Variants in PLCD3 observed in about 807,000 individuals in gnomAD.
The protein encoded by PLCD3 is 1-phosphatidylinositol 4,5-bisphosphate phosphodiesterase delta-3.
Under a neutral mutation model 82.8 loss-of-function variants are expected in PLCD3, and 62 were observed. The ratio of observed to expected loss-of-function variants is 0.75; its 90% confidence interval spans 0.61 to 0.93. The LOEUF (loss-of-function observed/expected upper bound fraction) is 0.93, where lower values mean the gene tolerates loss of function less well. PLCD3 is among the 40% of genes least tolerant of loss of function. The probability of loss-of-function intolerance (pLI) is 0.00; values close to 1 mark genes in which losing one functional copy is unlikely to be tolerated. For synonymous variants in PLCD3, 478 were observed against 471.8 expected (o/e 1.01, Z -0.17); for missense variants, 1,023 against 1,103.4 (o/e 0.93, Z 1.03).
In PLCD3 at chr17:45,132,329, C is replaced by T; in HGVS notation, c.82G>A (p.Ala28Thr). The change falls in exon 1 of 15, where the codon GCG becomes ACG. Residue 28 changes from alanine to threonine, a missense_variant. By Grantham distance (58) the Ala-to-Thr change is moderately conservative (BLOSUM62 0). Transcript: ENST00000619929. This position sits in a 1 kb window ranked among gnomAD's most constrained non-coding sequence, Gnocchi z 4.6. ...VAAQVAAQVA[A>T]PVALPSPPTP... ...GGCGGGGACGGGAGAGCGACCGGCG[C>T]CGCGACTTGGGCTGCGACCTGGGCG... is the stretch of plus-strand genomic sequence containing the variant. The T allele has an allele frequency of 3.2e-6, 4 of 1,238,508 alleles. No individual in the cohort carries two copies. Among genetic ancestry groups the T allele is most frequent in the South Asian group, 8.0e-5 (2 of 24,924 alleles). The allele number at this position is 1,238,508 out of a possible 1,614,324, so 76.7% of individuals were successfully genotyped here.
At chr17:45,125,941 G>A (rs1371426984) in intron 1 of PLCD3, among the ~76,000 whole-genome samples, 1 of 152,104 alleles carries the variant, frequency 6.6e-6, no homozygotes, top group Non-Finnish European at 1.5e-5. Context: ...TTTGGAAATA[G>A]GCAACAGTAA....
In PLCD3 at chr17:45,112,655, T is replaced by C. The variant is rs776765635; in HGVS notation, c.2331A>G (p.Pro777=). Residue 777 remains proline (P), a synonymous_variant, in exon 15 of 15, where the codon CCA becomes CCG. Transcript: ENST00000619929. ...LLSKDGASLS[P]ATLFIQIRIQ... ...TGCGGATTTGGATGAAGAGCGTGGCTGGTGACAGTGAGGCCCCGTCCTTGG... is the reference window on the plus strand; with the variant it reads ...TGCGGATTTGGATGAAGAGCGTGGCCGGTGACAGTGAGGCCCCGTCCTTGG... The C allele has an allele frequency of 4.4e-6, 7 of 1,607,300 alleles. No homozygotes were observed. Among genetic ancestry groups the C allele is most frequent in the East Asian group, 2.2e-5 (1 of 44,700 alleles).
chr17:45,123,967 A>T (rs55740745), intron 1 of PLCD3, among the ~76,000 whole-genome samples: 2 of 138,406 alleles, frequency 1.4e-5, no homozygotes, highest in Admixed American at 7.2e-5. Context: ...CCCCCCCCCC[A>T]ACCAGGTCCA....
chr17:45,114,209 G>T (rs769126127), intron 11 of PLCD3, 41 bp downstream of exon 11: 1 of 1,460,546 alleles, frequency 6.8e-7, no homozygotes, highest in African/African-American at 1.4e-5. Context: ...CCCCCACACT[G>T]TGGCACCCCG....
At chr17:45,121,585 A>G (rs6503423) in intron 1 of PLCD3, among the ~76,000 whole-genome samples, 151,581 of 152,314 alleles carry the variant, frequency 1, 75,424 homozygotes, top group Middle Eastern at 1. Context: ...GGAGCCCTAA[A>G]CGCCCCCCAA....
intron 1 of PLCD3, among the ~76,000 whole-genome samples, chr17:45,124,058 C>T (rs62066673): frequency 0.14 from 21,550 of 151,242 alleles, 1,806 homozygotes; most frequent in Middle Eastern, 0.2. Flanking sequence ...CACTTAGGCA[C>T]ATCCTCCTAC....
chr17:45,118,540 T>C lies in PLCD3; in HGVS notation c.914-48A>G. 1 of 1,598,398 alleles carries C rather than the reference T, an allele frequency of 6.3e-7. No homozygotes were observed. Among genetic ancestry groups the C allele is most frequent in the Non-Finnish European group, 8.6e-7 (1 of 1,168,560 alleles). ...CATCAGGCCACATAGGGATCCCCCATGTCCAGCTTCCAATGCCCCCAAGGC... is the reference window on the plus strand; with the variant it reads ...CATCAGGCCACATAGGGATCCCCCACGTCCAGCTTCCAATGCCCCCAAGGC... On this transcript the variant is annotated intron_variant, in intron 5 of 14. Transcript: ENST00000619929. This position sits in a 1 kb window ranked among gnomAD's most constrained non-coding sequence, Gnocchi z 4.1.
At chr17:45,114,196 C>T in intron 11 of PLCD3, 54 bp downstream of exon 11, 4 of 1,354,890 alleles carry the variant, frequency 3.0e-6, no homozygotes, top group Non-Finnish European at 4.0e-6. Context: ...ACTGCTGAGG[C>T]CTCCCCCACA....
At chr17:45,114,696 C>T (rs1483919655) in intron 10 of PLCD3, among the ~76,000 whole-genome samples, 1 of 152,204 alleles carries the variant, frequency 6.6e-6, no homozygotes, top group Non-Finnish European at 1.5e-5. Flanking sequence ...CCTTCAACAA[C>T]CTGTTCCTCC....
In PLCD3 at chr17:45,110,720, T is replaced by C. The variant is rs2054234995; in HGVS notation, c.*1896A>G. 1 of 152,248 alleles carries C rather than the reference T, an allele frequency of 6.6e-6. No homozygotes were observed. 9.4% of individuals were successfully genotyped at this position (152,248 alleles called of 1,614,324 possible). ...TGCCTCCCATCCTGAGGCTGCAGTT[T>C]GGCAGCCTGACCCTCTGACAGCCCT... On this transcript the variant is annotated 3_prime_UTR_variant, in exon 15 of 15. Coordinates refer to ENST00000619929, the MANE Select transcript of PLCD3 (RefSeq NM_133373.5).
chr17:45,116,984 G>A (rs900338850), intron 7 of PLCD3, among the ~76,000 whole-genome samples, 200 bp from the exon 8 acceptor site: 3 of 152,052 alleles, frequency 2.0e-5, no homozygotes, highest in South Asian at 2.1e-4. Context: ...TTGCTCTGTC[G>A]CCCATGCTGG....
At position 45,118,416 on chromosome 17, in the gene PLCD3, G is replaced by T; in HGVS notation, c.990C>A (p.Asn330Lys). Residue 330 changes from asparagine (N) to lysine (K), a missense_variant, in exon 6 of 15, where the codon AAC becomes AAA. Transcript: ENST00000619929. This position sits in a 1 kb window ranked among gnomAD's most constrained non-coding sequence, Gnocchi z 4.1. ...LLSPEGAALD[N>K]THTCVFQDMN... ...TGTCCTGGAACACACACGTGTGGGT[G>T]TTGTCCAAGGCAGCCCCCTCCGGCG... The T allele has an allele frequency of 6.2e-7, 1 of 1,614,056 alleles. No homozygotes were observed. Among genetic ancestry groups the T allele is most frequent in the Non-Finnish European group, 8.5e-7 (1 of 1,179,894 alleles).
intron 7 of PLCD3, 37 bp downstream of exon 7, chr17:45,117,957 G>T: frequency 6.2e-7 from 1 of 1,609,216 alleles, no homozygotes; most frequent in Non-Finnish European, 8.5e-7. Context: ...TCATTGGGAA[G>T]GCTGTGGGGC....
intron 14 of PLCD3, 30 bp downstream of exon 14, chr17:45,112,833 C>T (rs1302965598): frequency 6.2e-7 from 1 of 1,610,140 alleles, no homozygotes; most frequent in Non-Finnish European, 8.5e-7. Context: ...GGACCCACAT[C>T]CCTCTCCATC....
intron 1 of PLCD3, among the ~76,000 whole-genome samples, chr17:45,123,456 C>G (rs2054356783): frequency 6.6e-6 from 1 of 152,216 alleles, no homozygotes; most frequent in Admixed American, 6.5e-5. Context: ...AGGATACCAG[C>G]TAGTGTTGAC....
chr17:45,121,082 C>T lies in PLCD3; in HGVS notation c.374G>A (p.Gly125Asp). 1 of 1,539,796 alleles carries T rather than the reference C, an allele frequency of 6.5e-7. No homozygotes were observed. The highest frequency in any genetic ancestry group is 2.4e-5 in the East Asian group (1 of 40,878). Reference protein sequence around the residue: ...EAVREGHQSEGLRRFGGAFAP... With the variant: ...EAVREGHQSEDLRRFGGAFAP... ...GAAGGCACCCCCGAAGCGCCGCAGG[C>T]CCTCGGACTGGTGGCCCTCGCGGAC... The change falls in exon 3 of 15, where the codon GGC becomes GAC. Residue 125 changes from glycine to aspartate, a missense_variant. By Grantham distance (94) the Gly-to-Asp change is moderately conservative. This residue lies in a region of PLCD3 where 448 missense variants were observed against 406.3 expected (regional missense o/e 1.10). Transcript: ENST00000619929.
chr17:45,122,874 GGA>G (rs1331254971), intron 1 of PLCD3, among the ~76,000 whole-genome samples: 1 of 152,184 alleles, frequency 6.6e-6, no homozygotes, highest in African/African-American at 2.4e-5. Context: ...CTGGGTAAAC[GGA>G]GAGTCCATGG....
In PLCD3 at chr17:45,113,185, T is replaced by C. The variant is rs1410239958; in HGVS notation, c.2068A>G (p.Ile690Val). 3 of 1,612,432 alleles carry C rather than the reference T, an allele frequency of 1.9e-6. No homozygotes were observed. The highest frequency in any genetic ancestry group is 2.5e-6 in the Non-Finnish European group (3 of 1,179,390). Residue 690 changes from isoleucine to valine, a missense_variant, in exon 13 of 15, where the codon ATT (isoleucine) becomes GTT (valine). Transcript: ENST00000619929. The part of the protein sequence containing the change: ...PHSIVDPLVR[I>V]EIHGVPADCA... ...TCTGCGGGCACCCCATGGATCTCAA[T>C]GCGCACCAGGGGGTCCACAATGGAG...
intron 8 of PLCD3, among the ~76,000 whole-genome samples, chr17:45,116,190 G>A (rs757201303): frequency 4.6e-5 from 7 of 152,350 alleles, no homozygotes; most frequent in South Asian, 4.1e-4. Context: ...GCAGGAGGCC[G>A]CCTCAGGCCC....
Sources: allele counts gnomAD v4.1 joint callset (sites outside exome capture counted in the v4.1 genomes callset), GRCh38; gene constraint gnomAD v4.1.1; regional missense constraint gnomAD v4.1.1; non-coding constraint Gnocchi (gnomAD v3.1); transcripts MANE v1.5; gene names NCBI Gene and HGNC (gene_info 2026-07-23, HGNC 2026-07-21).